Variants in GSS observed in about 807,000 individuals in gnomAD.
The protein encoded by GSS is glutathione synthetase.
GSS carries 34 observed loss-of-function variants against 60.4 expected under a neutral mutation model. The ratio of observed to expected loss-of-function variants is 0.56; its 90% CI spans 0.43 to 0.75. GSS has a LOEUF of 0.75. Among genes scored for constraint, GSS ranks in the 30% least tolerant of loss-of-function variants. The pLI is 0.00. For missense variants in GSS, 499 were observed against 595.1 expected (o/e 0.84, Z 1.68); for synonymous variants, 224 against 239.0 (o/e 0.94, Z 0.58).
chr20:34,935,713 A>T, intron 8 of GSS, 71 bp from the exon 9 acceptor site: 1 of 1,216,648 alleles, frequency 8.2e-7, no homozygotes, highest in Non-Finnish European at 1.2e-6. Context: ...AATCTATTTC[A>T]GGGTGCATCA....
chr20:34,929,294 C>T (rs1319547195), intron 12 of GSS, 107 bp downstream of exon 12: 7 of 992,158 alleles, frequency 7.1e-6, no homozygotes, highest in South Asian at 2.6e-5. Flanking sequence ...GAGCTGGCAC[C>T]GAAGCCCAGG....
At chr20:34,946,307 G>C (rs1408522000) in intron 2 of GSS, among the ~76,000 whole-genome samples, 1 of 152,150 alleles carries the variant, frequency 6.6e-6, no homozygotes, top group Non-Finnish European at 1.5e-5. Context: ...GTATTGAAGA[G>C]AGAGAAGCAA....
At chr20:34,945,837 G>T in intron 3 of GSS, 116 bp downstream of exon 3, 1 of 1,105,670 alleles carries the variant, frequency 9.0e-7, no homozygotes, top group Non-Finnish European at 1.4e-6. Flanking sequence ...TTCTTTGGAG[G>T]TACCTTTCCT....
chr20:34,932,350 A>T (rs989243196), intron 9 of GSS, among the ~76,000 whole-genome samples: 1 of 152,070 alleles, frequency 6.6e-6, no homozygotes, highest in African/African-American at 2.4e-5. Flanking sequence ...GAATCCCCCA[A>T]TCTGTGGGAA....
intron 12 of GSS, 93 bp downstream of exon 12, chr20:34,929,308 C>T (rs1337705871): frequency 9.3e-7 from 1 of 1,076,530 alleles, no homozygotes; most frequent in Admixed American, 1.7e-5. Context: ...GCCCAGGATT[C>T]CTGACTCTTT....
At chr20:34,950,241 C>T (rs1475982712) in intron 2 of GSS, 2 of 152,108 alleles carry the variant, frequency 1.3e-5, no homozygotes, top group African/African-American at 2.4e-5. Context: ...TCTAGGTTCA[C>T]AGCCCAAGCA....
intron 3 of GSS, among the ~76,000 whole-genome samples, chr20:34,943,607 A>G (rs561224275): frequency 6.6e-6 from 1 of 152,266 alleles, no homozygotes; most frequent in Non-Finnish European, 1.5e-5. Context: ...TTCTTCTTCA[A>G]CTAGTCCTCA....
At chr20:34,938,145 A>G (rs570280447) in intron 6 of GSS, among the ~76,000 whole-genome samples, 57 of 152,318 alleles carry the variant, frequency 3.7e-4, no homozygotes, top group African/African-American at 1.3e-3. Flanking sequence ...GGTGTGAGCC[A>G]CTGCGCTCAG....
chr20:34,944,207 T>C lies in GSS; in HGVS notation c.276-1201A>G, dbSNP rs572580269. Among the ~76,000 whole-genome samples the C allele has an allele frequency of 6.6e-5, 10 of 152,304 alleles. No homozygotes were observed. In the South Asian group the frequency reaches 8.3e-4, roughly 13 times the overall value. On this transcript the variant is annotated intron_variant, in intron 3 of 12. Coordinates refer to ENST00000651619, the MANE Select transcript of GSS (RefSeq NM_000178.4). The stretch of plus-strand genomic sequence containing the variant: ...TGAAGAGGTGCTCCCCTTCATGTTT[T>C]GTAGGGGGCTCTTCTCCCTTAGGAA...
Position 34,945,970 on chromosome 20 carries a change from C to A in GSS, c.258G>T (p.Leu86=). Residue 86 remains leucine, a synonymous_variant, in exon 3 of 13, where the codon CTG becomes CTT. Transcript: ENST00000651619. ...TCCCCTACCTGGAAAGAGTTTGCTC[C>A]AGGAAGGCAGCGTTCTGGCTGACAG... ...VDAVSQNAAF[L]EQTLSSTIKQ... is the part of the protein sequence containing the mutation. The A allele has an allele frequency of 6.2e-7, 1 of 1,614,106 alleles. No homozygotes were observed. Among genetic ancestry groups the A allele is most frequent in the Non-Finnish European group, 8.5e-7 (1 of 1,179,994 alleles).
chr20:34,932,433 T>C (rs1569009838), intron 9 of GSS, among the ~76,000 whole-genome samples: 1 of 152,184 alleles, frequency 6.6e-6, no homozygotes, highest in Non-Finnish European at 1.5e-5. Flanking sequence ...CTCCCTACCA[T>C]GGCCTTCAAG....
At chr20:34,931,279 GGCCACA>G in intron 11 of GSS, 51 bp downstream of exon 11, 1 of 1,362,090 alleles carries the variant, frequency 7.3e-7, no homozygotes. Flanking sequence ...AATGAGCACT[GGCCACA>G]GCCTGCTAGT....
At chr20:34,948,451 AAC>A (rs550968829) in intron 2 of GSS, among the ~76,000 whole-genome samples, 30 of 152,304 alleles carry the variant, frequency 2.0e-4, no homozygotes, top group Non-Finnish European at 3.4e-4. Context: ...TAAAGGCTGA[AAC>A]ACACAGTCTT....
At position 34,937,001 on chromosome 20, in the gene GSS, G is replaced by C. The variant is rs370351723; in HGVS notation, c.631C>G (p.Gln211Glu). 1.2e-4 allele frequency: 193 copies of C among 1,613,268 alleles called. 2 individuals are homozygous for C. Among genetic ancestry groups the C allele is most frequent in the East Asian group, 1.1e-3 (51 of 44,872 alleles). ...TCAAATATGTTTCTTTCCTTCTCTT[G>C]AGCAATCAGTAGCACCAGAGCACTG... ...SPNALVLLIA[Q>E]EKERNIFDQR... Residue 211 changes from glutamine (Q) to glutamate (E), a missense_variant, in exon 7 of 13, where the codon CAA becomes GAA. Gln to Glu is a conservative substitution (Grantham distance 29, BLOSUM62 2). Transcript: ENST00000651619.
At chr20:34,938,907 C>T (rs368215941) in intron 6 of GSS, among the ~76,000 whole-genome samples, 12 of 152,032 alleles carry the variant, frequency 7.9e-5, no homozygotes, top group Non-Finnish European at 1.8e-4. Context: ...TTGGGTAAGG[C>T]AATTTCGTTC....
In GSS at chr20:34,951,960, C is replaced by T. The variant is rs2081572709; in HGVS notation, c.-8-100G>A. The T allele has an allele frequency of 3.2e-6, 4 of 1,259,736 alleles. No homozygotes were observed. In the East Asian group the frequency reaches 9.3e-5, roughly 29 times the overall value. 78.0% of individuals were successfully genotyped at this position (1,259,736 alleles called of 1,614,324 possible). On this transcript the variant is annotated intron_variant, in intron 1 of 12. Transcript: ENST00000651619. ...CACCCCCAACACAGCAGGACCCTGA[C>T]CTCTGTTGGAAGGGAACAGCGTGGT...
In GSS at chr20:34,945,900, C is replaced by G. The variant is rs1484635080; in HGVS notation, c.275+53G>C. On this transcript the variant is annotated intron_variant, in intron 3 of 12. Transcript: ENST00000651619. ...AACACCTCACGGCTCTGCAATCTTC[C>G]AGTTCCTTGGCTCTGGCAGCTCCTG... 5.0e-6 allele frequency: 8 copies of G among 1,590,168 alleles called. No individual in the cohort carries two copies. In the South Asian group the frequency reaches 8.8e-5, roughly 18 times the overall value.
intron 11 of GSS, among the ~76,000 whole-genome samples, chr20:34,930,329 T>C (rs1341787900): frequency 1.3e-5 from 2 of 152,054 alleles, no homozygotes; most frequent in Non-Finnish European, 2.9e-5. Context: ...AGACATCATA[T>C]GACTGGCCCC....
In GSS at chr20:34,929,544, C is replaced by T. The variant is rs141866304; in HGVS notation, c.1158G>A (p.Leu386=). 1.5e-4 allele frequency: 247 copies of T among 1,613,992 alleles called. No individual in the cohort carries two copies. In the African/African-American group the frequency reaches 2.5e-3, roughly 17 times the overall value. The change falls in exon 12 of 13, where the codon CTG becomes CTA. Residue 386 remains leucine, a synonymous_variant. Transcript: ENST00000651619. ...GEEMVQALKQ[L]KDSEERASYI... is the part of the protein sequence containing the mutation. ...AGGAGGCCCTCTCCTCACTGTCCTT[C>T]AGCTGTTTCAGGGCCTGTACCATTT...
Sources: gnomAD v4.1 joint callset for allele counts (sites outside exome capture counted in the v4.1 genomes callset) on GRCh38, gnomAD v4.1.1 for gene constraint, MANE v1.5 for transcripts, NCBI Gene and HGNC (gene_info 2026-07-23, HGNC 2026-07-21) for gene names.